The following USP31 variants were observed in gnomAD, a reference collection of about 807,000 sequenced individuals.
USP31 encodes the protein ubiquitin carboxyl-terminal hydrolase 31.
USP31 carries 44 observed loss-of-function variants against 119.4 expected under a neutral mutation model. That is an observed-to-expected ratio of 0.37 (90% CI 0.29 to 0.47). The LOEUF is 0.47. Ranked by LOEUF, USP31 falls within the 20% of genes least tolerant of loss-of-function variation. The pLI, the probability that USP31 is intolerant of heterozygous loss-of-function variation, is 0.99. For missense variants in USP31, 1,643 were observed against 1,730.2 expected (o/e 0.95, Z 0.89); for synonymous variants, 749 against 705.6 (o/e 1.06, Z -0.97).
chr16:23,102,254 A>G (rs1901909074), intron 6 of USP31, 65 bp downstream of exon 6: 1 of 1,527,442 alleles, frequency 6.5e-7, no homozygotes, highest in East Asian at 2.3e-5. Context: ...ATAGACAACT[A>G]AAAAGGTAGA....
At position 23,084,978 on chromosome 16, in the gene USP31, T is replaced by C; in HGVS notation, c.1712A>G (p.Asn571Ser). The C allele has an allele frequency of 6.2e-7, 1 of 1,613,968 alleles. No individual in the cohort carries two copies. ...ATCAGGAATATACTCATCCTCAGTA[T>C]TTACAAATAAGCTGCAATTAGGGGG... ...DKETRDFLFVNTEDEYIPDAE... is the reference protein window; with the variant it reads ...DKETRDFLFVSTEDEYIPDAE... Residue 571 changes from asparagine (N) to serine (S), a missense_variant, in exon 11 of 16, where the codon AAT (asparagine) becomes AGT (serine). Asn to Ser is a conservative substitution (Grantham distance 46, BLOSUM62 1). Transcript: ENST00000219689.
chr16:23,084,944 A>G lies in USP31; in HGVS notation c.1746T>C (p.Ser582=). The change falls in exon 11 of 16, where the codon AGT becomes AGC. Residue 582 remains serine (S), a synonymous_variant. Transcript: ENST00000219689. ...TEDEYIPDAE[S]VRLQRERHHQ... is the part of the protein sequence containing the mutation. ...GATGACGCTCCCTTTGCAGACGAAC[A>G]CTTTCTGCATCAGGAATATACTCAT... 1.9e-6 allele frequency: 3 copies of G among 1,614,090 alleles called. No individual in the cohort carries two copies. The highest frequency in any genetic ancestry group is 2.5e-6 in the Non-Finnish European group (3 of 1,180,004).
intron 5 of USP31, among the ~76,000 whole-genome samples, chr16:23,102,699 C>T (rs1901932797): frequency 1.3e-5 from 2 of 152,008 alleles, no homozygotes; most frequent in South Asian, 4.1e-4. Context: ...GTGGATTCAA[C>T]CAACTGCAGA....
chr16:23,095,661 C>G (rs1901574378), intron 6 of USP31, among the ~76,000 whole-genome samples: 1 of 152,148 alleles, frequency 6.6e-6, no homozygotes, highest in Non-Finnish European at 1.5e-5. Context: ...CTGCAGAAAC[C>G]CTACAAGCCA....
At chr16:23,128,159 T>C (rs954472800) in intron 1 of USP31, among the ~76,000 whole-genome samples, 6 of 152,192 alleles carry the variant, frequency 3.9e-5, no homozygotes, top group Non-Finnish European at 7.3e-5. Context: ...ATCACTCCTT[T>C]CTTAGAAACC....
In USP31 at chr16:23,084,872, G is replaced by C. The variant is rs777097621; in HGVS notation, c.1818C>G (p.Thr606=). Residue 606 remains threonine, a synonymous_variant, in exon 11 of 16, where the codon ACC becomes ACG. Coordinates refer to ENST00000219689, the MANE Select transcript of USP31 (RefSeq NM_020718.4). The part of the protein sequence containing the change: ...CTLSQCFQLY[T]KEERLAPDDA... ...CCCAGTCTCTTACCCGCTCCTCTTT[G>C]GTGTACAGTTGGAAACACTGGGATA... 1.9e-6 allele frequency: 3 copies of C among 1,613,896 alleles called. No individual in the cohort carries two copies. Among genetic ancestry groups the C allele is most frequent in the Non-Finnish European group, 2.5e-6 (3 of 1,179,932 alleles).
intron 9 of USP31, among the ~76,000 whole-genome samples, chr16:23,086,277 T>C (rs962189267): frequency 6.6e-6 from 1 of 152,216 alleles, no homozygotes; most frequent in Non-Finnish European, 1.5e-5. Flanking sequence ...CAGGACCATA[T>C]TGTATGCTTT....
chr16:23,146,435 A>C (rs115032059), intron 1 of USP31, among the ~76,000 whole-genome samples: 3,795 of 152,124 alleles, frequency 0.025, 58 homozygotes, highest in African/African-American at 0.041. Flanking sequence ...GAGACAGGAG[A>C]ATTGCTTGAT....
At chr16:23,090,238 C>A (rs71378494) in intron 7 of USP31, among the ~76,000 whole-genome samples, 34,867 of 151,872 alleles carry the variant, frequency 0.23, 4,762 homozygotes, top group Admixed American at 0.31. Flanking sequence ...TATAAAAAAT[C>A]CGCTGGGTGT....
chr16:23,144,704 A>T (rs148752174), intron 1 of USP31, among the ~76,000 whole-genome samples: 47 of 152,250 alleles, frequency 3.1e-4, no homozygotes, highest in African/African-American at 1.1e-3. Flanking sequence ...CTGGTCTGGA[A>T]CTATTGGTCT....
chr16:23,146,163 A>G (rs991842695), intron 1 of USP31, among the ~76,000 whole-genome samples: 1 of 144,958 alleles, frequency 6.9e-6, no homozygotes, highest in African/African-American at 2.5e-5. Context: ...CTTAAATACT[A>G]GGCTCTGACC....
intron 1 of USP31, among the ~76,000 whole-genome samples, chr16:23,113,413 C>T (rs961168399): frequency 2.6e-5 from 4 of 152,046 alleles, no homozygotes; most frequent in Admixed American, 6.6e-5. Flanking sequence ...GAAAAGGTCA[C>T]GGAAAAGCTG....
At chr16:23,123,914 ACTTGAGC>A (rs1902763197) in intron 1 of USP31, among the ~76,000 whole-genome samples, 2 of 151,936 alleles carry the variant, frequency 1.3e-5, no homozygotes, top group Non-Finnish European at 1.5e-5. Flanking sequence ...TGAGAAGATT[ACTTGAGC>A]CTGGGAGATA....
At chr16:23,087,870 T>G in intron 7 of USP31, 35 bp from the exon 8 acceptor site, 11 of 1,518,248 alleles carry the variant, frequency 7.2e-6, no homozygotes, top group Middle Eastern at 1.7e-4. Context: ...ACCTTTAAAG[T>G]ACGGTAATTC....
chr16:23,070,859 AG>A (rs930418500), intron 15 of USP31, among the ~76,000 whole-genome samples: 2 of 152,234 alleles, frequency 1.3e-5, no homozygotes, highest in African/African-American at 4.8e-5. Context: ...ATAGAGCCTA[AG>A]AAACAGGCTC....
chr16:23,072,199 T>TGCAGAGAAGAAAACAGGC lies in USP31; in HGVS notation c.2336-20_2336-3dup. On this transcript the variant is annotated splice_polypyrimidine_tract_variant and splice_region_variant and intron_variant, in intron 14 of 15. Transcript: ENST00000219689. Reference sequence around the variant, plus strand: ...CACACAGGGAAGAACTTGTGGAGCCTGCAGAGAAGAAAACAGGCATAGAGG... The same window carrying TGCAGAGAAGAAAACAGGC: ...CACACAGGGAAGAACTTGTGGAGCCTGCAGAGAAGAAAACAGGCGCAGAGAAGAAAACAGGCATAGAGG... 2 of 1,604,882 alleles carry TGCAGAGAAGAAAACAGGC rather than the reference T, an allele frequency of 1.2e-6. No individual in the cohort carries two copies. The highest frequency in any genetic ancestry group is 2.2e-5 in the South Asian group (2 of 91,056).
intron 6 of USP31, among the ~76,000 whole-genome samples, chr16:23,098,950 A>T (rs1433170245): frequency 6.6e-6 from 1 of 152,234 alleles, no homozygotes; most frequent in East Asian, 1.9e-4. Context: ...AGCAAAGGCA[A>T]CAAAAGCCAA....
At chr16:23,076,076 C>A (rs920506096) in intron 13 of USP31, among the ~76,000 whole-genome samples, 3 of 152,024 alleles carry the variant, frequency 2.0e-5, no homozygotes, top group African/African-American at 4.8e-5. Context: ...CAAAGTGAGA[C>A]CCTGTCTCAA....
At chr16:23,088,458 T>C (rs1901211206) in intron 7 of USP31, among the ~76,000 whole-genome samples, 1 of 152,140 alleles carries the variant, frequency 6.6e-6, no homozygotes, top group African/African-American at 2.4e-5. Flanking sequence ...CACTGAGATG[T>C]TTTTAGGGCC....
Sources: allele counts gnomAD v4.1 joint callset (sites outside exome capture counted in the v4.1 genomes callset), GRCh38; gene constraint gnomAD v4.1.1; transcripts MANE v1.5; gene names NCBI Gene and HGNC (gene_info 2026-07-23, HGNC 2026-07-21).